The following HIVEP3 variants were observed in gnomAD, a reference collection of about 807,000 sequenced individuals.
The protein encoded by HIVEP3 is transcription factor HIVEP3.
A neutral mutation model predicts 152.8 loss-of-function variants in HIVEP3; 49 were observed. The ratio of observed to expected loss-of-function variants is 0.32; its 90% CI spans 0.26 to 0.41. HIVEP3 has a LOEUF of 0.41. Ranked by LOEUF, HIVEP3 falls within the 10% of genes least tolerant of loss-of-function variation. HIVEP3 has a pLI of 1.00. For synonymous variants in HIVEP3, 1,269 were observed against 1,289.0 expected (o/e 0.98, Z 0.33); for missense variants, 2,790 against 3,103.3 (o/e 0.90, Z 2.40).
At chr1:41,573,151 A>C (rs958932356) in intron 5 of HIVEP3, among the ~76,000 whole-genome samples, 1 of 152,370 alleles carries the variant, frequency 6.6e-6, no homozygotes, top group Admixed American at 6.5e-5. Flanking sequence ...GTATTAAAAA[A>C]GAAAGAAAAA....
chr1:41,791,255 T>C (rs532950775), intron 1 of HIVEP3, among the ~76,000 whole-genome samples: 1 of 152,352 alleles, frequency 6.6e-6, no homozygotes, highest in East Asian at 1.9e-4. Context: ...CTAGCTGCTT[T>C]TTATCCCTGG....
At chr1:41,848,955 T>C (rs1008674411) in intron 1 of HIVEP3, 1 of 152,390 alleles carries the variant, frequency 6.6e-6, no homozygotes, top group Non-Finnish European at 1.5e-5. Flanking sequence ...AGCACCAGTG[T>C]CCTCAACCTC....
intron 3 of HIVEP3, among the ~76,000 whole-genome samples, chr1:41,612,120 A>C (rs1570103094): frequency 2.2e-5 from 3 of 138,998 alleles, no homozygotes; most frequent in South Asian, 2.3e-4. Flanking sequence ...AGCTCCTCTC[A>C]CCCTTTCTGC....
chr1:41,989,184 C>T (rs1031460244), intron 1 of HIVEP3, among the ~76,000 whole-genome samples: 2 of 152,142 alleles, frequency 1.3e-5, no homozygotes, highest in African/African-American at 4.8e-5. Context: ...GTATTATACA[C>T]TTAAGCATTG....
intron 3 of HIVEP3, among the ~76,000 whole-genome samples, chr1:41,608,499 G>C (rs1459427715): frequency 6.6e-6 from 1 of 152,180 alleles, no homozygotes; most frequent in African/African-American, 2.4e-5. Context: ...GCGGGGAGGG[G>C]TCCAACTGTA....
intron 5 of HIVEP3, among the ~76,000 whole-genome samples, chr1:41,555,514 C>A (rs1216305407): frequency 3.9e-5 from 6 of 152,228 alleles, no homozygotes; most frequent in African/African-American, 1.4e-4. Flanking sequence ...CACTCTCCAA[C>A]CAGTCCCAAT....
upstream of HIVEP3, among the ~76,000 whole-genome samples, chr1:41,920,530 G>T (rs1053434446): frequency 6.6e-6 from 1 of 151,326 alleles, no homozygotes. Flanking sequence ...AAAACATTCT[G>T]TCTTCACACT....
intron 1 of HIVEP3, among the ~76,000 whole-genome samples, chr1:41,723,155 G>A (rs1276149533): frequency 6.6e-6 from 1 of 152,158 alleles, no homozygotes; most frequent in Non-Finnish European, 1.5e-5. Context: ...GCATGGTGGT[G>A]GCAGATAAAA....
chr1:41,713,567 T>C (rs1486344456), intron 1 of HIVEP3, among the ~76,000 whole-genome samples: 2 of 152,152 alleles, frequency 1.3e-5, no homozygotes, highest in Non-Finnish European at 2.9e-5. Context: ...TCTGCAAAAT[T>C]ATATGGTGAT....
At chr1:41,970,851 G>A (rs1645224812) in intron 1 of HIVEP3, among the ~76,000 whole-genome samples, 3 of 152,138 alleles carry the variant, frequency 2.0e-5, no homozygotes. Context: ...ACAAGCTAAG[G>A]AACATCTAGG....
chr1:41,703,893 T>C (rs1023395677), intron 1 of HIVEP3, among the ~76,000 whole-genome samples: 3 of 152,196 alleles, frequency 2.0e-5, no homozygotes, highest in Non-Finnish European at 2.9e-5. Context: ...AGATTCGTGA[T>C]TCCAGGATTC....
In HIVEP3 at chr1:41,583,700, G is replaced by A; in HGVS notation, c.1098C>T (p.Leu366=). 2 of 1,612,984 alleles carry A rather than the reference G, an allele frequency of 1.2e-6. No individual in the cohort carries two copies. Among genetic ancestry groups the A allele is most frequent in the Non-Finnish European group, 1.7e-6 (2 of 1,179,346 alleles). ...DTHTIKQKLA[L]RLSERKKVID... Reference sequence around the variant, plus strand: ...TCACCTTCTTCCTCTCGCTTAAGCGGAGGGCCAGCTTCTGCTTAATCGTGT... The same window carrying A: ...TCACCTTCTTCCTCTCGCTTAAGCGAAGGGCCAGCTTCTGCTTAATCGTGT... The change falls in exon 4 of 9, where the codon CTC becomes CTT. Residue 366 remains leucine, a synonymous_variant. Transcript: ENST00000372583. The surrounding 1 kb of genome is among the most constrained non-coding windows in gnomAD (Gnocchi z 6.9).
rs193162444 is a variant in HIVEP3, at chr1:41,811,228, T to C, written c.-801+107185A>G. 4.2e-3 allele frequency among the ~76,000 whole-genome samples: 641 copies of C among 151,800 alleles called. 9 individuals carry two copies. Among genetic ancestry groups the C allele is most frequent in the African/African-American group, 0.015 (619 of 41,386 alleles). Reference sequence around the variant, plus strand: ...GGAGATCTTCCATCTCTTAAGCCCTTGGCTTTTCCTACTCCCCAAGGCCCA... The same window carrying C: ...GGAGATCTTCCATCTCTTAAGCCCTCGGCTTTTCCTACTCCCCAAGGCCCA... On this transcript the variant is annotated intron_variant, in intron 1 of 8. Transcript: ENST00000372583.
chr1:41,562,946 C>A (rs556385397), intron 5 of HIVEP3, among the ~76,000 whole-genome samples: 1 of 152,122 alleles, frequency 6.6e-6, no homozygotes, highest in African/African-American at 2.4e-5. Context: ...GACTCTCCCC[C>A]CACCCACCCC....
rs1646354212 is a variant in HIVEP3, at chr1:41,701,010, G to C, written c.-800-15C>G. 1.0e-6 allele frequency: 1 copy of C among 972,510 alleles called. No individual in the cohort carries two copies. Among genetic ancestry groups the C allele is most frequent in the African/African-American group, 1.8e-5 (1 of 57,052 alleles). 60.2% of individuals were successfully genotyped at this position (972,510 alleles called of 1,614,324 possible). ...TGGAGGGAGGCCTGTGGGAAGTAGA[G>C]AAAGTGAGAATATTATGCCACCGCC... On this transcript the variant is annotated splice_polypyrimidine_tract_variant and intron_variant, in intron 1 of 8. Coordinates refer to ENST00000372583, the MANE Select transcript of HIVEP3 (RefSeq NM_024503.5).
intron 1 of HIVEP3, among the ~76,000 whole-genome samples, chr1:41,925,066 A>G (rs1440346832): frequency 6.6e-6 from 1 of 152,244 alleles, no homozygotes; most frequent in Non-Finnish European, 1.5e-5. Context: ...TGCAAACTAC[A>G]GCCCTTCGTG....
chr1:41,658,899 C>T (rs542989269), intron 2 of HIVEP3, among the ~76,000 whole-genome samples: 1 of 152,174 alleles, frequency 6.6e-6, no homozygotes, highest in Non-Finnish European at 1.5e-5. Context: ...AACAGAGCAT[C>T]GAATTCTATA....
chr1:41,635,864 T>C (rs556759542), intron 2 of HIVEP3, among the ~76,000 whole-genome samples: 68 of 152,282 alleles, frequency 4.5e-4, no homozygotes, highest in African/African-American at 1.5e-3. Flanking sequence ...GGTGATTTTC[T>C]AGAAAAGTAT....
intron 5 of HIVEP3, among the ~76,000 whole-genome samples, chr1:41,538,081 G>A (rs17359178): frequency 0.049 from 7,533 of 152,318 alleles, 258 homozygotes; most frequent in Non-Finnish European, 0.071. Context: ...CAGACAATGA[G>A]CAAAGTGCTA....
Sources: gnomAD v4.1 joint callset for allele counts (sites outside exome capture counted in the v4.1 genomes callset) on GRCh38, gnomAD v4.1.1 for gene constraint, Gnocchi (gnomAD v3.1) non-coding constraint, MANE v1.5 for transcripts, NCBI Gene and HGNC (gene_info 2026-07-23, HGNC 2026-07-21) for gene names.